The following CHRM3 variants were observed in gnomAD, a reference collection of about 807,000 sequenced individuals.
CHRM3 encodes muscarinic acetylcholine receptor M3.
In CHRM3, 11 loss-of-function variants were observed where a neutral mutation model predicts 41.8. That is an observed-to-expected ratio of 0.26 (90% confidence interval 0.17 to 0.44). CHRM3 has a LOEUF of 0.44. CHRM3 is among the 20% of genes least tolerant of loss of function. The pLI, the probability that CHRM3 is intolerant of heterozygous loss-of-function variation, is 1.00. For missense variants in CHRM3, 571 were observed against 745.4 expected (o/e 0.77, Z 2.72); for synonymous variants, 297 against 301.4 (o/e 0.99, Z 0.15).
At chr1:239,622,604 A>G (rs1326404234) in intron 3 of CHRM3, among the ~76,000 whole-genome samples, 1 of 152,206 alleles carries the variant, frequency 6.6e-6, no homozygotes, top group Non-Finnish European at 1.5e-5. Flanking sequence ...ACTAGAATTT[A>G]AAGTGGAGCC....
chr1:239,489,084 C>T (rs181684657), intron 1 of CHRM3, among the ~76,000 whole-genome samples: 8 of 152,204 alleles, frequency 5.3e-5, no homozygotes, highest in African/African-American at 1.9e-4. Flanking sequence ...TAGAGAAAGG[C>T]AGGATAAAAA....
rs932503586 is a variant in CHRM3 at position 239,832,150 on chromosome 1, C to T, written c.-20+4772C>T. Among the ~76,000 whole-genome samples the T allele has an allele frequency of 8.5e-5, 13 of 152,272 alleles. No homozygotes were observed. The East Asian group carries it at 9.7e-4, about 11-fold the overall frequency. ...GGAAGCAGCTGCATGTGAGCCTGCA[C>T]TGTCCCTCCATTGTACGGGTGGCAC... On this transcript the variant is annotated intron_variant, in intron 6 of 6. Transcript: ENST00000676153.
intron 3 of CHRM3, among the ~76,000 whole-genome samples, chr1:239,557,147 TCAA>T (rs779897148): frequency 2.5e-4 from 38 of 152,124 alleles, no homozygotes; most frequent in Non-Finnish European, 5.0e-4. Context: ...GTGAAGTTGA[TCAA>T]GGCAACGTGA....
At position 239,818,425 on chromosome 1, in the gene CHRM3, C is replaced by T. The variant is rs537019640; in HGVS notation, c.-146-8827C>T. ...ATCATAGGGGCACAGTGACATTTGC[C>T]CTCACCCTTTCTGAGCTTCCTCCAC... On this transcript the variant is annotated intron_variant, in intron 5 of 6. Transcript: ENST00000676153. Among the ~76,000 whole-genome samples, 8 of 152,242 alleles carry T rather than the reference C, an allele frequency of 5.3e-5. No homozygotes were observed. The South Asian group carries it at 1.7e-3, about 32-fold the overall frequency.
At chr1:239,679,159 A>G (rs1447027983) in intron 5 of CHRM3, among the ~76,000 whole-genome samples, 2 of 152,160 alleles carry the variant, frequency 1.3e-5, no homozygotes, top group Non-Finnish European at 2.9e-5. Context: ...TACAAGATTG[A>G]TTGCTTACTT....
intron 1 of CHRM3, among the ~76,000 whole-genome samples, chr1:239,436,742 G>T (rs554260315): frequency 4.6e-5 from 7 of 152,026 alleles, no homozygotes; most frequent in Non-Finnish European, 8.8e-5. Flanking sequence ...CTAAGTAATT[G>T]ACAGCTACTT....
intron 5 of CHRM3, among the ~76,000 whole-genome samples, chr1:239,800,354 A>T (rs1379319584): frequency 6.6e-6 from 1 of 152,166 alleles, no homozygotes; most frequent in Non-Finnish European, 1.5e-5. Context: ...AGAAGTTAAG[A>T]TATCGTCATC....
intron 6 of CHRM3, among the ~76,000 whole-genome samples, chr1:239,833,288 C>T (rs1338276746): frequency 6.6e-6 from 1 of 152,162 alleles, no homozygotes; most frequent in African/African-American, 2.4e-5. Flanking sequence ...GGGATAGGAT[C>T]TTTCCAAGCA....
intron 3 of CHRM3, among the ~76,000 whole-genome samples, chr1:239,618,654 C>T (rs1667954834): frequency 1.3e-5 from 2 of 151,232 alleles, no homozygotes; most frequent in South Asian, 2.1e-4. Context: ...ACCATCCTGG[C>T]TAACACGGTG....
chr1:239,501,611 T>C (rs577611337), intron 2 of CHRM3, among the ~76,000 whole-genome samples: 150 of 152,238 alleles, frequency 9.9e-4, no homozygotes, highest in African/African-American at 3.5e-3. Flanking sequence ...ATCTCAGCAC[T>C]TTGGGAGGCT....
At chr1:239,735,723 G>A (rs1664339255) in intron 5 of CHRM3, among the ~76,000 whole-genome samples, 1 of 152,004 alleles carries the variant, frequency 6.6e-6, no homozygotes, top group African/African-American at 2.4e-5. Flanking sequence ...TTCTTCTTTT[G>A]TCCTTGACAA....
intron 3 of CHRM3, among the ~76,000 whole-genome samples, chr1:239,558,777 A>G (rs975758699): frequency 2.0e-5 from 3 of 152,172 alleles, no homozygotes; most frequent in Non-Finnish European, 2.9e-5. Context: ...TTTTTGCCTT[A>G]TGTAAGAATT....
intron 3 of CHRM3, among the ~76,000 whole-genome samples, chr1:239,619,662 A>T (rs1156372726): frequency 1.3e-5 from 2 of 152,200 alleles, no homozygotes; most frequent in African/African-American, 4.8e-5. Flanking sequence ...CTTTTATAAG[A>T]ATCAAAACTA....
At chr1:239,537,490 C>A (rs1658318620) in intron 2 of CHRM3, among the ~76,000 whole-genome samples, 1 of 152,032 alleles carries the variant, frequency 6.6e-6, no homozygotes, top group African/African-American at 2.4e-5. Flanking sequence ...CCCCATGAAC[C>A]AAACTTCTCC....
chr1:239,864,754 G>A (rs1675945649), intron 6 of CHRM3, among the ~76,000 whole-genome samples: 1 of 152,098 alleles, frequency 6.6e-6, no homozygotes, highest in Non-Finnish European at 1.5e-5. Flanking sequence ...TAGAAAAATG[G>A]AAGATTTTTC....
At chr1:239,600,737 TTCCC>T (rs1009263711) in intron 3 of CHRM3, among the ~76,000 whole-genome samples, 14 of 147,342 alleles carry the variant, frequency 9.5e-5, no homozygotes, top group Admixed American at 4.7e-4. Context: ...CCCTCCCTCC[TTCCC>T]TCCCTCCCTC....
chr1:239,580,535 G>A (rs1198110922), intron 3 of CHRM3, among the ~76,000 whole-genome samples: 1 of 151,602 alleles, frequency 6.6e-6, no homozygotes, highest in African/African-American at 2.4e-5. Context: ...AGAAAGAACT[G>A]TCAAGTGATT....
At chr1:239,616,870 A>G (rs887529355) in intron 3 of CHRM3, among the ~76,000 whole-genome samples, 30 of 118,202 alleles carry the variant, frequency 2.5e-4, no homozygotes, top group Non-Finnish European at 4.0e-4. Context: ...TCCATTAGTC[A>G]TTGTTGTGCA....
intron 1 of CHRM3, among the ~76,000 whole-genome samples, chr1:239,411,197 G>A (rs1661034036): frequency 6.6e-6 from 1 of 152,148 alleles, no homozygotes; most frequent in African/African-American, 2.4e-5. Flanking sequence ...AGAAACAGTG[G>A]CAGGTGACTT....
Sources: allele counts gnomAD v4.1 joint callset (sites outside exome capture counted in the v4.1 genomes callset), GRCh38; gene constraint gnomAD v4.1.1; transcripts MANE v1.5; gene names NCBI Gene and HGNC (gene_info 2026-07-23, HGNC 2026-07-21).